GRXCR2: variants seen among roughly 807,000 people sequenced by gnomAD.
The protein encoded by GRXCR2 is glutaredoxin and cysteine rich domain containing 2.
Under a neutral mutation model 24.8 loss-of-function variants are expected in GRXCR2, and 23 were observed. The ratio of observed to expected loss-of-function variants is 0.93; its 90% CI spans 0.67 to 1.32. The LOEUF is 1.32. Ranked by LOEUF, GRXCR2 falls within the 40% of genes most tolerant of loss-of-function variation. The pLI is 0.00. For synonymous variants in GRXCR2, 130 were observed against 116.1 expected, an observed-to-expected ratio of 1.12 and a Z score of -0.77; for missense variants, 315 against 303.4, an observed-to-expected ratio of 1.04 and a Z score of -0.28.
At chr5:145,915,759 T>C (rs1581353950) in intron 2 of GRXCR2, among the ~76,000 whole-genome samples, 1 of 135,528 alleles carries the variant, frequency 7.4e-6, no homozygotes, top group African/African-American at 2.7e-5. Flanking sequence ...AAGAAGAAGG[T>C]AGGCTCTAGG....
At chr5:145,888,143 A>C (rs1025133900) in intron 2 of GRXCR2, among the ~76,000 whole-genome samples, 1 of 152,240 alleles carries the variant, frequency 6.6e-6, no homozygotes, top group Non-Finnish European at 1.5e-5. Context: ...AAGCATGGCT[A>C]GTTAAAGCTG....
chr5:145,877,561 T>C (rs570077685), upstream of GRXCR2, among the ~76,000 whole-genome samples: 1 of 152,358 alleles, frequency 6.6e-6, no homozygotes, highest in Non-Finnish European at 1.5e-5. Flanking sequence ...TGACATAGAA[T>C]TTATATTATA....
chr5:145,887,104 T>C (rs1351020827), intron 2 of GRXCR2, among the ~76,000 whole-genome samples: 1 of 152,246 alleles, frequency 6.6e-6, no homozygotes, highest in Non-Finnish European at 1.5e-5. Flanking sequence ...TTTATTTTAA[T>C]TTTTTCTTTG....
intron 2 of GRXCR2, among the ~76,000 whole-genome samples, chr5:145,913,950 G>T (rs188635158): frequency 6.6e-6 from 1 of 152,208 alleles, no homozygotes; most frequent in African/African-American, 2.4e-5. Context: ...ACACTCAGGC[G>T]TTTTGATTTT....
intron 2 of GRXCR2, among the ~76,000 whole-genome samples, chr5:145,892,752 C>A (rs1204506730): frequency 3.9e-5 from 6 of 152,084 alleles, no homozygotes; most frequent in Non-Finnish European, 8.8e-5. Context: ...GCAAGGCAGG[C>A]CAACATTCAA....
At chr5:145,921,472 T>C (rs1042256121) in intron 2 of GRXCR2, among the ~76,000 whole-genome samples, 2 of 152,128 alleles carry the variant, frequency 1.3e-5, no homozygotes, top group African/African-American at 4.8e-5. Flanking sequence ...CACTGACTTT[T>C]CCCTTTCTCC....
chr5:145,927,037 A>G (rs965158263), intron 2 of GRXCR2, among the ~76,000 whole-genome samples: 1 of 152,092 alleles, frequency 6.6e-6, no homozygotes, highest in African/African-American at 2.4e-5. Flanking sequence ...TTTGTCTGTT[A>G]TTGGTGTATA....
chr5:145,912,299 A>T (rs1757176956), intron 2 of GRXCR2, among the ~76,000 whole-genome samples: 1 of 152,096 alleles, frequency 6.6e-6, no homozygotes, highest in Non-Finnish European at 1.5e-5. Flanking sequence ...GAGCTGTGGG[A>T]GAGGGAGGTT....
chr5:145,870,284 T>C (rs1200687638), intron 1 of GRXCR2, among the ~76,000 whole-genome samples: 1 of 152,150 alleles, frequency 6.6e-6, no homozygotes, highest in Non-Finnish European at 1.5e-5. Context: ...TTGCTGTCTG[T>C]ATGATTTTGA....
chr5:145,868,355 C>A (rs1756469918), intron 1 of GRXCR2, among the ~76,000 whole-genome samples: 1 of 152,130 alleles, frequency 6.6e-6, no homozygotes, highest in African/African-American at 2.4e-5. Flanking sequence ...GATATTCAGC[C>A]AAAACCTGGC....
At chr5:145,924,198 C>A (rs1192283425) in intron 2 of GRXCR2, among the ~76,000 whole-genome samples, 1 of 152,100 alleles carries the variant, frequency 6.6e-6, no homozygotes, top group Non-Finnish European at 1.5e-5. Context: ...GGCAATATCT[C>A]AAATGGCAGA....
At chr5:145,895,372 A>T (rs1486043682) in intron 2 of GRXCR2, among the ~76,000 whole-genome samples, 1 of 152,178 alleles carries the variant, frequency 6.6e-6, no homozygotes, top group Non-Finnish European at 1.5e-5. Context: ...ACATGATTGT[A>T]TATGTAGAAA....
chr5:145,869,309 A>AGTAG (rs1269688178), intron 1 of GRXCR2, among the ~76,000 whole-genome samples: 1 of 152,240 alleles, frequency 6.6e-6, no homozygotes, highest in Non-Finnish European at 1.5e-5. Flanking sequence ...ATATGTATAA[A>AGTAG]GTAGGTGTTC....
At chr5:145,896,850 C>T (rs892471506) in intron 2 of GRXCR2, among the ~76,000 whole-genome samples, 1 of 152,038 alleles carries the variant, frequency 6.6e-6, no homozygotes, top group Admixed American at 6.6e-5. Flanking sequence ...TTTATTGCGG[C>T]ACTATTCACA....
At chr5:145,907,157 A>G (rs774023848) in intron 2 of GRXCR2, among the ~76,000 whole-genome samples, 1 of 152,082 alleles carries the variant, frequency 6.6e-6, no homozygotes, top group Non-Finnish European at 1.5e-5. Flanking sequence ...CTTTTTAAGA[A>G]TTTGCCTTTC....
intron 2 of GRXCR2, among the ~76,000 whole-genome samples, chr5:145,930,866 C>T (rs985615024): frequency 3.9e-5 from 6 of 152,156 alleles, no homozygotes; most frequent in Non-Finnish European, 7.3e-5. Flanking sequence ...TTCAGAACAT[C>T]TCAATGAAGT....
At chr5:145,929,994 T>C (rs1418410591) in intron 2 of GRXCR2, among the ~76,000 whole-genome samples, 1 of 152,128 alleles carries the variant, frequency 6.6e-6, no homozygotes, top group Non-Finnish European at 1.5e-5. Flanking sequence ...GAGAAAGTTA[T>C]TCTCTTTTCA....
intron 2 of GRXCR2, among the ~76,000 whole-genome samples, chr5:145,906,038 G>A (rs1427410876): frequency 6.6e-6 from 1 of 152,138 alleles, no homozygotes; most frequent in African/African-American, 2.4e-5. Context: ...TGAGGATTCT[G>A]GGGCATAATA....
upstream of GRXCR2, among the ~76,000 whole-genome samples, chr5:145,875,685 G>A (rs565176873): frequency 6.6e-6 from 1 of 152,060 alleles, no homozygotes; most frequent in East Asian, 1.9e-4. Flanking sequence ...GAAGAACTAG[G>A]GAAACAATGT....
Sources: allele counts gnomAD v4.1 joint callset (sites outside exome capture counted in the v4.1 genomes callset), GRCh38; gene constraint gnomAD v4.1.1; transcripts MANE v1.5; gene names NCBI Gene and HGNC (gene_info 2026-07-23, HGNC 2026-07-21).